ZFAT: variants seen among roughly 807,000 people sequenced by gnomAD.
ZFAT encodes zinc finger and AT-hook domain containing, also known as zinc finger protein ZFAT.
Under a neutral mutation model 117.7 loss-of-function variants are expected in ZFAT, and 64 were observed. The observed-to-expected ratio is 0.54, with a 90% CI of 0.44 to 0.67. ZFAT has a LOEUF of 0.67. Among genes scored for constraint, ZFAT ranks in the 30% least tolerant of loss-of-function variants. ZFAT has a pLI of 0.00. For missense variants in ZFAT, 1,433 were observed against 1,584.5 expected (o/e 0.90, Z 1.62); for synonymous variants, 679 against 615.0 (o/e 1.10, Z -1.54).
chr8:134,563,646 T>C (rs1488621329), intron 11 of ZFAT, among the ~76,000 whole-genome samples: 1 of 152,224 alleles, frequency 6.6e-6, no homozygotes, highest in Non-Finnish European at 1.5e-5. Context: ...GGTGATCAGT[T>C]AGCTTCTCTG....
intron 11 of ZFAT, among the ~76,000 whole-genome samples, chr8:134,552,773 A>G (rs561467679): frequency 2.4e-4 from 36 of 152,374 alleles, no homozygotes; most frequent in Non-Finnish European, 3.7e-4. Context: ...AAAAGCGTCT[A>G]AAGTAAGAAG....
intron 15 of ZFAT, among the ~76,000 whole-genome samples, chr8:134,507,496 G>C (rs1819502908): frequency 6.6e-6 from 1 of 152,158 alleles, no homozygotes; most frequent in South Asian, 2.1e-4. Context: ...CCCCACGACT[G>C]TGTTCAACAG....
At chr8:134,493,948 G>C (rs1818241510) in intron 15 of ZFAT, among the ~76,000 whole-genome samples, 1 of 152,202 alleles carries the variant, frequency 6.6e-6, no homozygotes, top group South Asian at 2.1e-4. Flanking sequence ...CACTAAGAAA[G>C]GGAAGGAGGC....
the ZFAT span, among the ~76,000 whole-genome samples, chr8:134,752,741 T>C: frequency 1.3e-5 from 2 of 152,150 alleles, no homozygotes; most frequent in South Asian, 2.1e-4. Context: ...GCCATCTTTA[T>C]GCAGCACGCT....
chr8:134,699,199 C>A (rs1171640979), intron 1 of ZFAT, among the ~76,000 whole-genome samples: 1 of 152,158 alleles, frequency 6.6e-6, no homozygotes, highest in Non-Finnish European at 1.5e-5. Context: ...TCAAACCCAC[C>A]ACAAGGGCAA....
intron 1 of ZFAT, among the ~76,000 whole-genome samples, chr8:134,702,449 G>A (rs1834036242): frequency 1.3e-5 from 2 of 152,072 alleles, no homozygotes; most frequent in Non-Finnish European, 2.9e-5. Context: ...GAACCCAATG[G>A]GAGATAAATT....
At chr8:134,659,783 T>C (rs1009337938) in intron 1 of ZFAT, among the ~76,000 whole-genome samples, 6 of 152,164 alleles carry the variant, frequency 3.9e-5, no homozygotes, top group Admixed American at 3.3e-4. Flanking sequence ...GGAAAGGCAA[T>C]AGGCCAACCC....
intron 13 of ZFAT, among the ~76,000 whole-genome samples, chr8:134,516,384 T>C (rs1046382368): frequency 4.6e-5 from 7 of 152,238 alleles, no homozygotes; most frequent in African/African-American, 1.7e-4. Context: ...CTGATGATCA[T>C]TGCTAAACCC....
the ZFAT span, among the ~76,000 whole-genome samples, chr8:134,719,030 T>C: frequency 6.6e-6 from 1 of 152,122 alleles, no homozygotes; most frequent in Non-Finnish European, 1.5e-5. Context: ...CTGTCGCTTG[T>C]GAACACGGTT....
At chr8:134,522,460 T>C (rs1586637207) in intron 12 of ZFAT, among the ~76,000 whole-genome samples, 1 of 152,224 alleles carries the variant, frequency 6.6e-6, no homozygotes, top group African/African-American at 2.4e-5. Context: ...CCTCGGGCCA[T>C]CTCTTACTTT....
the ZFAT span, chr8:134,785,229 C>T: frequency 1.3e-5 from 2 of 152,130 alleles, no homozygotes; most frequent in African/African-American, 2.4e-5. Context: ...CATTTATTCC[C>T]CCCTTAAGTA....
intron 1 of ZFAT, among the ~76,000 whole-genome samples, chr8:134,687,580 G>A (rs980346326): frequency 3.3e-5 from 5 of 152,028 alleles, no homozygotes; most frequent in African/African-American, 4.8e-5. Flanking sequence ...CCCCCACCCC[G>A]AGAGCAGATG....
chr8:134,601,185 A>G (rs118083084), intron 6 of ZFAT, among the ~76,000 whole-genome samples: 35 of 152,294 alleles, frequency 2.3e-4, no homozygotes, highest in Non-Finnish European at 4.7e-4. Context: ...TAAACTTGTC[A>G]TGTGCCAGAA....
At chr8:134,826,686 T>C in the ZFAT span, among the ~76,000 whole-genome samples, 1 of 152,248 alleles carries the variant, frequency 6.6e-6, no homozygotes, top group Non-Finnish European at 1.5e-5. Flanking sequence ...TTATACATAC[T>C]GTGCTTAGTT....
rs781727455 is a variant in ZFAT at position 134,521,023 on chromosome 8, A to T, written c.3116-22T>A. The T allele has an allele frequency of 2.7e-5, 27 of 1,007,724 alleles. No individual in the cohort carries two copies. The Admixed American group carries it at 6.7e-4, about 25-fold the overall frequency. The allele number at this position is 1,007,724 out of a possible 1,614,324, so 62.4% of individuals were successfully genotyped here. A position where few individuals can be genotyped will look rare whatever the true frequency, so the allele number is the denominator to read the frequency against. ...CCACCTGAAAGCACAGACAGAGGTT[A>T]AAAAAAAAATGTGTTCGTAATACAG... is the stretch of plus-strand genomic sequence containing the variant. On this transcript the variant is annotated intron_variant, in intron 12 of 15. Transcript: ENST00000377838.
chr8:134,688,478 A>G (rs575840286), intron 1 of ZFAT, among the ~76,000 whole-genome samples: 1 of 152,362 alleles, frequency 6.6e-6, no homozygotes, highest in Non-Finnish European at 1.5e-5. Flanking sequence ...TAATGACAGA[A>G]AGTGGAAATC....
chr8:134,637,620 G>A lies in ZFAT; in HGVS notation c.289C>T (p.Pro97Ser). 6.2e-7 allele frequency: 1 copy of A among 1,614,218 alleles called. No individual in the cohort carries two copies. The highest frequency in any genetic ancestry group is 8.5e-7 in the Non-Finnish European group (1 of 1,180,036). Residue 97 changes from proline (P) to serine (S), a missense_variant, in exon 3 of 16, where the codon CCG becomes TCG. Pro to Ser is a moderately conservative substitution (Grantham distance 74, BLOSUM62 -1). Coordinates refer to ENST00000377838, the MANE Select transcript of ZFAT (RefSeq NM_020863.4). ...EEELAENIVS[P>S]TEDSPLAPEE... ...GGAGCCAGCGGGCTGTCCTCAGTCGGACTCACGATGTTTTCTGCCAGCTCC... is the reference window on the plus strand; with the variant it reads ...GGAGCCAGCGGGCTGTCCTCAGTCGAACTCACGATGTTTTCTGCCAGCTCC...
At chr8:134,656,010 A>G (rs1831580803) in intron 2 of ZFAT, among the ~76,000 whole-genome samples, 1 of 152,184 alleles carries the variant, frequency 6.6e-6, no homozygotes, top group Non-Finnish European at 1.5e-5. Flanking sequence ...ACAGTTCTTG[A>G]CTAAAGCCCT....
chr8:134,577,136 C>T (rs566163770), intron 10 of ZFAT, among the ~76,000 whole-genome samples: 1 of 152,334 alleles, frequency 6.6e-6, no homozygotes, highest in South Asian at 2.1e-4. Flanking sequence ...ATGATCTTTG[C>T]ATTAAATTCT....
Sources: allele counts gnomAD v4.1 joint callset (sites outside exome capture counted in the v4.1 genomes callset), GRCh38; gene constraint gnomAD v4.1.1; transcripts MANE v1.5; gene names NCBI Gene and HGNC (gene_info 2026-07-23, HGNC 2026-07-21).